The following CASC3 variants were observed in gnomAD, a reference collection of about 807,000 sequenced individuals.
CASC3 encodes the protein protein CASC3.
CASC3 carries 30 observed loss-of-function variants against 80.5 expected under a neutral mutation model. The observed-to-expected ratio is 0.37, with a 90% CI of 0.28 to 0.51. The LOEUF (loss-of-function observed/expected upper bound fraction) is 0.51, where lower values mean the gene tolerates loss of function less well. CASC3 is among the 20% of genes least tolerant of loss of function. CASC3 has a pLI of 0.94. For synonymous variants in CASC3, 312 were observed against 333.6 expected (o/e 0.94, Z 0.70); for missense variants, 824 against 922.2 (o/e 0.89, Z 1.38).
chr17:40,159,711 ATTTTTTTTTTT>A (rs71152647), intron 3 of CASC3, among the ~76,000 whole-genome samples: 8 of 93,166 alleles, frequency 8.6e-5, no homozygotes, highest in African/African-American at 2.8e-4. Flanking sequence ...TTCCTGGCGA[ATTTTTTTTTTT>A]TTTTTTTTTT....
At chr17:40,152,562 C>G (rs1989039020) in intron 3 of CASC3, among the ~76,000 whole-genome samples, 1 of 152,010 alleles carries the variant, frequency 6.6e-6, no homozygotes, top group African/African-American at 2.4e-5. Context: ...CTCAGGTGAT[C>G]CACCCACTCA....
chr17:40,167,044 T>C, intron 8 of CASC3, 183 bp downstream of exon 8: 2 of 546,324 alleles, frequency 3.7e-6, no homozygotes, highest in East Asian at 3.2e-5. Flanking sequence ...CTGCAAGCTC[T>C]GCCTCCTGGG....
rs56186811 is a variant in CASC3 at position 40,169,742 on chromosome 17, C to CTTTTTTTTTTTTTTT, written c.*41+97_*41+111dup. On this transcript the variant is annotated intron_variant, in intron 13 of 13. Coordinates refer to ENST00000264645, the MANE Select transcript of CASC3 (RefSeq NM_007359.5). ...ATAAACAAAAATCACTTAATTAATGCTTTTTTTTTTTTTTTTTTTTTTTTT... is the reference window on the plus strand; with the variant it reads ...ATAAACAAAAATCACTTAATTAATGCTTTTTTTTTTTTTTTTTTTTTTTTTTTTTTTTTTTTTTTT... 11 of 91,808 alleles carry CTTTTTTTTTTTTTTT rather than the reference C, an allele frequency of 1.2e-4. 3 individuals are homozygous for CTTTTTTTTTTTTTTT. The highest frequency in any genetic ancestry group is 9.4e-4 in the African/African-American group (11 of 11,700). 5.7% of individuals were successfully genotyped at this position (91,808 alleles called of 1,614,324 possible).
chr17:40,169,481 C>T (rs1567685826), intron 12 of CASC3, 35 bp downstream of exon 12: 7 of 1,587,814 alleles, frequency 4.4e-6, no homozygotes, highest in Non-Finnish European at 6.0e-6. Flanking sequence ...AATGCACATG[C>T]TCCGTCAGTG....
At chr17:40,150,601 T>C (rs1426761388) in intron 3 of CASC3, among the ~76,000 whole-genome samples, 3 of 151,480 alleles carry the variant, frequency 2.0e-5, no homozygotes, top group Non-Finnish European at 4.4e-5. Context: ...GAGAAGAAAG[T>C]GAATGTGAGA....
intron 4 of CASC3, 43 bp from the exon 5 acceptor site, chr17:40,161,959 C>A (rs1374151350): frequency 6.2e-7 from 1 of 1,612,534 alleles, no homozygotes; most frequent in Non-Finnish European, 8.5e-7. Context: ...AATAGAGATT[C>A]TTGAGGCTTG....
At chr17:40,143,527 T>C (rs1418357115) in intron 3 of CASC3, among the ~76,000 whole-genome samples, 2 of 151,914 alleles carry the variant, frequency 1.3e-5, no homozygotes, top group African/African-American at 4.8e-5. Flanking sequence ...CAGTAACTTA[T>C]TGTACATTTA....
intron 3 of CASC3, among the ~76,000 whole-genome samples, chr17:40,157,111 C>T (rs1051992117): frequency 9.2e-5 from 14 of 151,964 alleles, no homozygotes; most frequent in South Asian, 2.1e-4. Flanking sequence ...TTTGGGAGGC[C>T]GAGGCGGGTG....
chr17:40,166,919 A>T, intron 8 of CASC3, 58 bp downstream of exon 8: 1 of 1,242,142 alleles, frequency 8.1e-7, no homozygotes, highest in Non-Finnish European at 1.1e-6. Context: ...CAGCTTGTTC[A>T]TTGTTTAAAC....
In CASC3 at chr17:40,140,686, C is replaced by T. The variant is rs1207928173; in HGVS notation, c.138C>T (p.Gly46=). 2.5e-6 allele frequency: 4 copies of T among 1,596,252 alleles called. No homozygotes were observed. In the East Asian group the frequency reaches 9.1e-5, roughly 36 times the overall value. Residue 46 remains glycine (G), a synonymous_variant, in exon 1 of 14, where the codon GGC becomes GGT. Transcript: ENST00000264645. ...CSGSAGGGGS[G]SLPSQRGGRT... ...GTAGCGCCGGAGGCGGCGGCAGCGG[C>T]TCTCTGCCTTCACAGCGCGGAGGCC... is the stretch of plus-strand genomic sequence containing the variant.
At position 40,164,172 on chromosome 17, in the gene CASC3, T is replaced by C. The variant is rs1989385104; in HGVS notation, c.1471+6T>C. Reference sequence around the variant, plus strand: ...GCAACCACGGGAACTTCGAGGTAGGTATCATAGGATTGGTGGCTAGCTTTT... The same window carrying C: ...GCAACCACGGGAACTTCGAGGTAGGCATCATAGGATTGGTGGCTAGCTTTT... On this transcript the variant is annotated splice_donor_region_variant and intron_variant, in intron 7 of 13. Transcript: ENST00000264645. 2 of 1,587,504 alleles carry C rather than the reference T, an allele frequency of 1.3e-6. No homozygotes were observed. The highest frequency in any genetic ancestry group is 1.1e-5 in the South Asian group (1 of 88,328).
At chr17:40,143,178 G>T (rs1988767496) in intron 3 of CASC3, among the ~76,000 whole-genome samples, 1 of 152,182 alleles carries the variant, frequency 6.6e-6, no homozygotes, top group African/African-American at 2.4e-5. Context: ...CAGCGCGATG[G>T]CTCACACCTG....
At chr17:40,167,713 T>C (rs2145183170) in intron 9 of CASC3, 101 bp downstream of exon 9, 1 of 1,226,792 alleles carries the variant, frequency 8.2e-7, no homozygotes, top group South Asian at 1.2e-5. Flanking sequence ...CCTCTTATAG[T>C]GGTTATCAAA....
intron 3 of CASC3, among the ~76,000 whole-genome samples, chr17:40,144,319 C>A (rs969014838): frequency 1.3e-5 from 2 of 151,334 alleles, no homozygotes; most frequent in African/African-American, 4.8e-5. Context: ...ACTGTGTACT[C>A]AACAAAAATT....
chr17:40,172,103 G>A lies in CASC3; in HGVS notation c.*1698G>A. On this transcript the variant is annotated 3_prime_UTR_variant, in exon 14 of 14. Coordinates refer to ENST00000264645, the MANE Select transcript of CASC3 (RefSeq NM_007359.5). ...ATGTGTGGTGGTGTTTTTTGTTACT[G>A]TTTTAAAGGGTGCCCATTTGTGATC... is the stretch of plus-strand genomic sequence containing the variant. 10 of 1,289,920 alleles carry A rather than the reference G, an allele frequency of 7.8e-6. No individual in the cohort carries two copies. The highest frequency in any genetic ancestry group is 1.0e-5 in the Non-Finnish European group (10 of 988,844). 79.9% of individuals were successfully genotyped at this position (1,289,920 alleles called of 1,614,324 possible). A position where few individuals can be genotyped will look rare whatever the true frequency, so the allele number is the denominator to read the frequency against.
At chr17:40,151,216 G>A (rs1053466451) in intron 3 of CASC3, among the ~76,000 whole-genome samples, 4 of 151,932 alleles carry the variant, frequency 2.6e-5, no homozygotes, top group Non-Finnish European at 5.9e-5. Context: ...TTATTTGTTT[G>A]TGTGTTTGTT....
intron 7 of CASC3, among the ~76,000 whole-genome samples, chr17:40,165,647 G>A (rs1445643163): frequency 2.0e-5 from 3 of 152,044 alleles, no homozygotes; most frequent in African/African-American, 7.2e-5. Context: ...TGAAAGGCAA[G>A]CCTCCCTTAT....
chr17:40,140,561 C>A lies in CASC3; in HGVS notation c.13C>A (p.Arg5=). The change falls in exon 1 of 14, where the codon CGG becomes AGG. Residue 5 remains arginine, a synonymous_variant. Transcript: ENST00000264645. MADR[R]RQRASQDTED... is the part of the protein sequence containing the mutation. ...CGTTCTCCGTAAGATGGCGGACCGG[C>A]GGCGGCAGCGCGCTTCGCAAGACAC... The A allele has an allele frequency of 6.2e-7, 1 of 1,607,982 alleles. No homozygotes were observed. Among genetic ancestry groups the A allele is most frequent in the South Asian group, 1.1e-5 (1 of 91,072 alleles).
chr17:40,153,241 G>T (rs964552369), intron 3 of CASC3, among the ~76,000 whole-genome samples: 1 of 152,062 alleles, frequency 6.6e-6, no homozygotes, highest in Non-Finnish European at 1.5e-5. Context: ...TCATGTGGTG[G>T]TTATCTTTCT....
Sources: gnomAD v4.1 joint callset for allele counts (sites outside exome capture counted in the v4.1 genomes callset) on GRCh38, gnomAD v4.1.1 for gene constraint, MANE v1.5 for transcripts, NCBI Gene and HGNC (gene_info 2026-07-23, HGNC 2026-07-21) for gene names.